The following CENPL variants were observed in gnomAD, a reference collection of about 807,000 sequenced individuals.
The protein encoded by CENPL is interphase centromere complex protein 33.
A neutral mutation model predicts 35.2 loss-of-function variants in CENPL; 20 were observed. That is an observed-to-expected ratio of 0.57 (90% CI 0.40 to 0.83). The LOEUF (loss-of-function observed/expected upper bound fraction) is 0.83. Ranked by LOEUF, CENPL falls within the 40% of genes least tolerant of loss-of-function variation. The pLI is 0.00. For missense variants in CENPL, 363 were observed against 395.8 expected, an observed-to-expected ratio of 0.92 and a Z score of 0.70; for synonymous variants, 140 against 140.6, an observed-to-expected ratio of 1.00 and a Z score of 0.03.
chr1:173,801,889 G>A (rs1431441818), intron 5 of CENPL, among the ~76,000 whole-genome samples: 1 of 151,426 alleles, frequency 6.6e-6, no homozygotes, highest in Non-Finnish European at 1.5e-5. Flanking sequence ...CAGGTGTAGT[G>A]GCTCATGCTT....
chr1:173,814,018 G>C (rs1190155303), intron 2 of CENPL, among the ~76,000 whole-genome samples: 1 of 152,028 alleles, frequency 6.6e-6, no homozygotes, highest in Non-Finnish European at 1.5e-5. Context: ...AAAAGCAGGG[G>C]TTGCAATCCT....
At position 173,824,853 on chromosome 1, in the gene CENPL, G is replaced by GA. The variant is rs1454609106; in HGVS notation, c.-744dup. ...CCGCGGGAGCCTCTCGAGAAGCGTG[G>GA]AAAGAGGAGAAGGGCGTATACCTTG... On this transcript the variant is annotated 5_prime_UTR_variant, in exon 1 of 6. Transcript: ENST00000682279. 2 of 225,894 alleles carry GA rather than the reference G, an allele frequency of 8.9e-6. No homozygotes were observed. Among genetic ancestry groups the GA allele is most frequent in the Non-Finnish European group, 1.8e-5 (2 of 109,832 alleles). The allele number at this position is 225,894 out of a possible 1,614,324, so 14.0% of individuals were successfully genotyped here.
intron 2 of CENPL, chr1:173,823,479 C>G (rs1220956066): frequency 1.3e-5 from 2 of 152,340 alleles, no homozygotes; most frequent in African/African-American, 4.8e-5. Context: ...GCCCTATACC[C>G]AAACATGCAC....
Position 173,811,131 on chromosome 1 carries a change from C to G in CENPL, c.168+1G>C. 1 of 1,608,936 alleles carries G rather than the reference C, an allele frequency of 6.2e-7. No homozygotes were observed. Among genetic ancestry groups the G allele is most frequent in the Non-Finnish European group, 8.5e-7 (1 of 1,175,938 alleles). On this transcript the variant is annotated splice_donor_variant, in intron 3 of 5. Coordinates refer to ENST00000682279, the MANE Select transcript of CENPL (RefSeq NM_001387287.1). LOFTEE classifies it high-confidence loss of function. Reference sequence around the variant, plus strand: ...AACACAAAGGGACACAAAAAGCATACCTGCAACTGCGAACACTGGGGAATT... The same window carrying G: ...AACACAAAGGGACACAAAAAGCATAGCTGCAACTGCGAACACTGGGGAATT...
rs201830798 is a variant in CENPL, at chr1:173,811,211, C to A, written c.89G>T (p.Arg30Leu). The change falls in exon 3 of 6, where the codon CGA becomes CTA. Residue 30 changes from arginine (R) to leucine (L), a missense_variant. By Grantham distance (102) the Arg-to-Leu change is moderately radical. Transcript: ENST00000682279. The stretch of plus-strand genomic sequence containing the variant: ...ACTCTGCTTCCTGACCGATTCTAAT[C>A]GTTTCTGCAGAGGAGTGGCACCTAT... ...YFIGATPLQK[R>L]LESVRKQSSF... 4.3e-6 allele frequency: 7 copies of A among 1,614,018 alleles called. No homozygotes were observed. Among genetic ancestry groups the A allele is most frequent in the South Asian group, 3.3e-5 (3 of 91,074 alleles).
chr1:173,801,486 T>G (rs1219606518), intron 5 of CENPL, among the ~76,000 whole-genome samples: 1 of 126,558 alleles, frequency 7.9e-6, no homozygotes, highest in East Asian at 2.4e-4. Flanking sequence ...TGCACACCAG[T>G]CTAGGCAACA....
chr1:173,809,689 TG>T (rs1237617346), intron 3 of CENPL, among the ~76,000 whole-genome samples: 2 of 150,086 alleles, frequency 1.3e-5, no homozygotes, highest in Non-Finnish European at 3.0e-5. Flanking sequence ...AAGACATACA[TG>T]AGGCCAACAA....
chr1:173,820,667 AAAC>A, intron 2 of CENPL, among the ~76,000 whole-genome samples: 1 of 152,214 alleles, frequency 6.6e-6, no homozygotes, highest in East Asian at 1.9e-4. Flanking sequence ...CAAAAATTGA[AAAC>A]AACTCAGTGG....
chr1:173,800,447 TTCAC>T lies in CENPL; in HGVS notation c.1032_1035del (p.Ter345AlafsTer6), dbSNP rs1234976963. 7.9e-7 allele frequency: 1 copy of T among 1,263,918 alleles called. No individual in the cohort carries two copies. The highest frequency in any genetic ancestry group is 1.2e-5 in the South Asian group (1 of 82,910). The allele number at this position is 1,263,918 out of a possible 1,614,324, so 78.3% of individuals were successfully genotyped here. ...CTATAACTTATAGTCCACATAAGGC[TTCAC>T]TCAATTTGAAAAATTGCCAGTTCTG... On this transcript the variant is annotated frameshift_variant and stop_lost, in exon 6 of 6. Coordinates refer to ENST00000682279, the MANE Select transcript of CENPL (RefSeq NM_001387287.1). LOFTEE classifies it high-confidence loss of function.
Position 173,804,204 on chromosome 1 carries a change from A to G in CENPL, c.421-699T>C, listed in dbSNP as rs528927393. On this transcript the variant is annotated intron_variant, in intron 4 of 5. Transcript: ENST00000682279. ...CCTAAGGCAGCACTATCAACTTAAA[A>G]TGTTCTTTTATATGTTAGACCCTAC... Among the ~76,000 whole-genome samples, 4 of 152,350 alleles carry G rather than the reference A, an allele frequency of 2.6e-5. No homozygotes were observed. In the East Asian group the frequency reaches 7.7e-4, roughly 29 times the overall value.
chr1:173,818,768 T>C (rs1184988076), intron 2 of CENPL, among the ~76,000 whole-genome samples: 1 of 152,204 alleles, frequency 6.6e-6, no homozygotes, highest in Admixed American at 6.5e-5. Context: ...CCTGTTCATA[T>C]ACTTCCTTGT....
rs566411021 is a variant in CENPL, at chr1:173,803,402, G to A, written c.524C>T (p.Ser175Leu). 1.2e-6 allele frequency: 2 copies of A among 1,614,038 alleles called. No individual in the cohort carries two copies. Among genetic ancestry groups the A allele is most frequent in the South Asian group, 2.2e-5 (2 of 91,082 alleles). ...VFGDSLLETV[S>L]EDFTCLPLFL... ...TAAGGGCAGACAGGTGAAATCTTCT[G>A]AAACAGTCTCCAGAAGACTGTCTCC... is the stretch of plus-strand genomic sequence containing the variant. The change falls in exon 5 of 6, where the codon TCA (serine) becomes TTA (leucine). Residue 175 changes from serine to leucine, a missense_variant. By Grantham distance (145) the Ser-to-Leu change is moderately radical (BLOSUM62 -2). Coordinates refer to ENST00000682279, the MANE Select transcript of CENPL (RefSeq NM_001387287.1).
At chr1:173,801,260 T>C (rs1047927732) in intron 5 of CENPL, among the ~76,000 whole-genome samples, 9 of 152,160 alleles carry the variant, frequency 5.9e-5, no homozygotes, top group Non-Finnish European at 1.3e-4. Context: ...CTCATGCCTA[T>C]AATCCCAGCA....
rs371029081 is a variant in CENPL, at chr1:173,817,887, A to C, written c.-8+6039T>G. 2.6e-5 allele frequency among the ~76,000 whole-genome samples: 4 copies of C among 152,222 alleles called. No individual in the cohort carries two copies. The South Asian group carries it at 8.3e-4, about 31-fold the overall frequency. ...GATGAAGCTGGAAACCATCATTCTC[A>C]GCAAACTATCACAAGGACAGAACAC... On this transcript the variant is annotated intron_variant, in intron 2 of 5. Coordinates refer to ENST00000682279, the MANE Select transcript of CENPL (RefSeq NM_001387287.1).
At chr1:173,801,481 A>G (rs1649745189) in intron 5 of CENPL, among the ~76,000 whole-genome samples, 1 of 144,184 alleles carries the variant, frequency 6.9e-6, no homozygotes, top group South Asian at 2.2e-4. Flanking sequence ...ACCACTGCAC[A>G]CCAGTCTAGG....
At chr1:173,808,617 T>C (rs1412120923) in intron 3 of CENPL, 1 of 146,348 alleles carries the variant, frequency 6.8e-6, no homozygotes, top group African/African-American at 2.5e-5. Context: ...GCTAGACTAG[T>C]CTTAAAAAAA....
chr1:173,816,949 C>A (rs1169259869), intron 2 of CENPL, among the ~76,000 whole-genome samples: 3 of 152,002 alleles, frequency 2.0e-5, no homozygotes, highest in Admixed American at 2.0e-4. Context: ...CCCAGCCTGG[C>A]CAATATGGTG....
chr1:173,807,311 C>T lies in CENPL; in HGVS notation c.376G>A (p.Gly126Arg). The T allele has an allele frequency of 1.2e-6, 2 of 1,612,968 alleles. No individual in the cohort carries two copies. The highest frequency in any genetic ancestry group is 1.7e-6 in the Non-Finnish European group (2 of 1,179,352). The change falls in exon 4 of 6, where the codon GGA becomes AGA. Residue 126 changes from glycine (G) to arginine (R), a missense_variant. Physicochemically the swap from Gly to Arg is moderately radical, Grantham distance 125. Coordinates refer to ENST00000682279, the MANE Select transcript of CENPL (RefSeq NM_001387287.1). ...GGGTCCCTTTGTGTTCCTTTCATTC[C>T]TAGGAGAGTAGAAAAAATCACTTTG... ...NIKVIFSTLL[G>R]MKGTQRDPEA...
rs1649575307 is a variant in CENPL at position 173,799,586 on chromosome 1, C to A, written c.*862G>T. 1 of 152,158 alleles carries A rather than the reference C, an allele frequency of 6.6e-6. No individual in the cohort carries two copies. The highest frequency in any genetic ancestry group is 1.5e-5 in the Non-Finnish European group (1 of 68,030). 9.4% of individuals were successfully genotyped at this position (152,158 alleles called of 1,614,324 possible). ...ATAAACATTTAATTCAACATTGCAA[C>A]AGGAGTTGAACTGTATTTAAAACAG... On this transcript the variant is annotated 3_prime_UTR_variant, in exon 6 of 6. Transcript: ENST00000682279.
Sources: gnomAD v4.1 joint callset for allele counts (sites outside exome capture counted in the v4.1 genomes callset) on GRCh38, gnomAD v4.1.1 for gene constraint, MANE v1.5 for transcripts, NCBI Gene and HGNC (gene_info 2026-07-23, HGNC 2026-07-21) for gene names.